Variants in RNPS1 observed in about 807,000 individuals in gnomAD.
The protein encoded by RNPS1 is RNA binding protein with serine rich domain 1, also known as RNA-binding protein with serine-rich domain 1.
For missense variants in RNPS1, 300 were observed against 427.6 expected (o/e 0.70, Z 2.63); for synonymous variants, 147 against 150.0 (o/e 0.98, Z 0.15).
chr16:2,253,679 C>G lies in RNPS1; in HGVS notation c.*285G>C. On this transcript the variant is annotated 3_prime_UTR_variant, in exon 8 of 8. Coordinates refer to ENST00000320225, the MANE Select transcript of RNPS1 (RefSeq NM_080594.4). Reference sequence around the variant, plus strand: ...AGCAGGGTCAAACCACCCCCAAGAGCCTCACTTTTCCCTGGTGGCTCTGCC... The same window carrying G: ...AGCAGGGTCAAACCACCCCCAAGAGGCTCACTTTTCCCTGGTGGCTCTGCC... 1.8e-6 allele frequency: 1 copy of G among 554,364 alleles called. No individual in the cohort carries two copies. The highest frequency in any genetic ancestry group is 3.2e-6 in the Non-Finnish European group (1 of 308,916). The allele number at this position is 554,364 out of a possible 1,614,324, so 34.3% of individuals were successfully genotyped here.
chr16:2,265,981 T>C (rs2093623602), intron 1 of RNPS1: 1 of 370,160 alleles, frequency 2.7e-6, no homozygotes, highest in African/African-American at 2.2e-5. Context: ...AAAAACAAAT[T>C]ACTAATTAGT....
chr16:2,263,740 G>C (rs1475857531), intron 3 of RNPS1, among the ~76,000 whole-genome samples: 1 of 152,040 alleles, frequency 6.6e-6, no homozygotes, highest in Non-Finnish European at 1.5e-5. Flanking sequence ...AGCCTCCCGA[G>C]TAGCTGGGAG....
chr16:2,257,948 C>A (rs1368656899), intron 6 of RNPS1: 3 of 152,242 alleles, frequency 2.0e-5, no homozygotes, highest in Non-Finnish European at 2.9e-5. Flanking sequence ...GTGCCAGCGG[C>A]CTCAGTCACA....
At position 2,264,198 on chromosome 16, in the gene RNPS1, A is replaced by T. The variant is rs769876420; in HGVS notation, c.205T>A (p.Ser69Thr). The T allele has an allele frequency of 1.9e-6, 3 of 1,613,348 alleles. No individual in the cohort carries two copies. Among genetic ancestry groups the T allele is most frequent in the Non-Finnish European group, 8.5e-7 (1 of 1,180,024 alleles). Residue 69 changes from serine to threonine, a missense_variant, in exon 3 of 8, where the codon TCC becomes ACC. Coordinates refer to ENST00000320225, the MANE Select transcript of RNPS1 (RefSeq NM_080594.4). ...RDKTRKRRSASSGSSSTRSRS... is the reference protein window; with the variant it reads ...RDKTRKRRSATSGSSSTRSRS... ...CACCTGGTACTGCTGCTACCACTGG[A>T]AGCGCTGCGCCTCTTTCGGGTTTTG... is the stretch of plus-strand genomic sequence containing the variant.
intron 5 of RNPS1, 96 bp from the exon 6 acceptor site, chr16:2,262,527 T>C (rs1596810359): frequency 7.5e-7 from 1 of 1,331,816 alleles, no homozygotes; most frequent in Non-Finnish European, 1.1e-6. Flanking sequence ...CTCGGCAGGG[T>C]AAAACATTCC....
chr16:2,258,802 C>G (rs1445734980), intron 6 of RNPS1: 2 of 151,792 alleles, frequency 1.3e-5, no homozygotes, highest in South Asian at 4.2e-4. Flanking sequence ...GGGGTATCAT[C>G]TAGTTTTTCT....
At chr16:2,268,003 CTGCCGGGCA>C in intron 1 of RNPS1, 43 bp downstream of exon 1, 1 of 1,533,466 alleles carries the variant, frequency 6.5e-7, no homozygotes, top group Non-Finnish European at 8.7e-7. Context: ...CCTGCCGGGC[CTGCCGGGCA>C]GCCCCCGAAA....
intron 1 of RNPS1, chr16:2,267,537 C>T (rs1172979805): frequency 1.4e-5 from 14 of 1,036,452 alleles, no homozygotes; most frequent in African/African-American, 3.5e-5. Context: ...GCGGAGTACA[C>T]GTTTGAATTA....
rs9934252 is a variant in RNPS1, at chr16:2,267,360, G to A, written c.-118+695C>T. Reference sequence around the variant, plus strand: ...TCAGGCACAGTTCATGCGGAATCAAGACAAAAAGCCTACTCCACGTTTCTC... The same window carrying A: ...TCAGGCACAGTTCATGCGGAATCAAAACAAAAAGCCTACTCCACGTTTCTC... On this transcript the variant is annotated intron_variant, in intron 1 of 7. Coordinates refer to ENST00000320225, the MANE Select transcript of RNPS1 (RefSeq NM_080594.4). 17 of 984,548 alleles carry A rather than the reference G, an allele frequency of 1.7e-5. No individual in the cohort carries two copies. The African/African-American group carries it at 2.6e-4, about 15-fold the overall frequency. 61.0% of individuals were successfully genotyped at this position (984,548 alleles called of 1,614,324 possible). A position where few individuals can be genotyped will look rare whatever the true frequency, so the allele number is the denominator to read the frequency against.
chr16:2,266,723 C>T (rs2093626508), intron 1 of RNPS1: 1 of 985,324 alleles, frequency 1.0e-6, no homozygotes, highest in Middle Eastern at 5.2e-4. Context: ...CAATAGAAAC[C>T]GTGTGAGGAG....
intron 1 of RNPS1, chr16:2,267,368 G>C: frequency 9.1e-6 from 9 of 984,386 alleles, no homozygotes; most frequent in Non-Finnish European, 1.1e-5. Context: ...AAGACAAAAA[G>C]CCTACTCCAC....
At chr16:2,266,347 C>A in intron 1 of RNPS1, 1 of 985,164 alleles carries the variant, frequency 1.0e-6, no homozygotes, top group East Asian at 1.1e-4. Context: ...CTGCAGACAC[C>A]CAGCAGATAG....
At chr16:2,264,828 A>T in intron 1 of RNPS1, 68 bp from the exon 2 acceptor site, 1 of 1,341,264 alleles carries the variant, frequency 7.5e-7, no homozygotes, top group Non-Finnish European at 9.8e-7. Context: ...CTTTGCAGTC[A>T]AAAGCTGAGC....
chr16:2,256,660 G>A (rs756980076), intron 6 of RNPS1: 1 of 152,436 alleles, frequency 6.6e-6, no homozygotes, highest in Non-Finnish European at 1.5e-5. Flanking sequence ...ACTGGTGAGA[G>A]AAGGTAGCAT....
intron 2 of RNPS1, 85 bp downstream of exon 2, chr16:2,264,488 G>C: frequency 6.5e-7 from 1 of 1,527,130 alleles, no homozygotes; most frequent in African/African-American, 1.4e-5. Flanking sequence ...GTAGAATGCA[G>C]AACATTCTCA....
At chr16:2,267,878 G>T in intron 1 of RNPS1, 177 bp downstream of exon 1, 3 of 1,516,382 alleles carry the variant, frequency 2.0e-6, no homozygotes, top group Non-Finnish European at 2.6e-6. Flanking sequence ...CCACGGCCTC[G>T]ACACCTCCCA....
At chr16:2,261,361 A>C (rs2093602311) in intron 6 of RNPS1, among the ~76,000 whole-genome samples, 1 of 152,154 alleles carries the variant, frequency 6.6e-6, no homozygotes, top group South Asian at 2.1e-4. Context: ...AAGCCCCCAG[A>C]ACAGAAAGTG....
chr16:2,263,107 G>A lies in RNPS1; in HGVS notation c.408C>T (p.Arg136=), dbSNP rs1320859298. 2 of 1,612,428 alleles carry A rather than the reference G, an allele frequency of 1.2e-6. No homozygotes were observed. The highest frequency in any genetic ancestry group is 2.7e-5 in the African/African-American group (2 of 74,872). The part of the protein sequence containing the change: ...PSRRRHDNRR[R]SRSKSKPPKR... The stretch of plus-strand genomic sequence containing the variant: ...CGCAGGGCACTCACTTGGAGCGGGA[G>A]CGCCTCCTGTTGTCGTGTCTGCGCC... The change falls in exon 4 of 8, where the codon CGC becomes CGT. Residue 136 remains arginine (R), a synonymous_variant. Coordinates refer to ENST00000320225, the MANE Select transcript of RNPS1 (RefSeq NM_080594.4).
chr16:2,254,090 G>A (rs1227404332), intron 7 of RNPS1, 27 bp from the exon 8 acceptor site: 2 of 1,436,004 alleles, frequency 1.4e-6, no homozygotes, highest in South Asian at 2.9e-5. Context: ...AACCACATCA[G>A]AGTAGCTCAG....
Sources: allele counts gnomAD v4.1 joint callset (sites outside exome capture counted in the v4.1 genomes callset), GRCh38; gene constraint gnomAD v4.1.1; transcripts MANE v1.5; gene names NCBI Gene and HGNC (gene_info 2026-07-23, HGNC 2026-07-21).